CENPF: variants seen among roughly 807,000 people sequenced by gnomAD.
CENPF encodes AH antigen.
Under a neutral mutation model 307.3 loss-of-function variants are expected in CENPF, and 214 were observed. That is an observed-to-expected ratio of 0.70 (90% confidence interval 0.62 to 0.78). The LOEUF (loss-of-function observed/expected upper bound fraction) is 0.78. Ranked by LOEUF, CENPF falls within the 30% of genes least tolerant of loss-of-function variation. The pLI is 0.00. For synonymous variants in CENPF, 1,259 were observed against 1,270.6 expected, an observed-to-expected ratio of 0.99 and a Z score of 0.19; for missense variants, 3,401 against 3,483.9, an observed-to-expected ratio of 0.98 and a Z score of 0.60.
At chr1:214,622,551 A>G (rs1657536510) in intron 7 of CENPF, among the ~76,000 whole-genome samples, 1 of 152,206 alleles carries the variant, frequency 6.6e-6, no homozygotes, top group South Asian at 2.1e-4. Context: ...AAGAAAATGT[A>G]TATATAGCAT....
chr1:214,641,193 G>A lies in CENPF; in HGVS notation c.2855G>A (p.Ser952Asn). The A allele has an allele frequency of 1.2e-6, 2 of 1,608,046 alleles. No homozygotes were observed. Among genetic ancestry groups the A allele is most frequent in the Non-Finnish European group, 1.7e-6 (2 of 1,178,474 alleles). Residue 952 changes from serine (S) to asparagine (N), a missense_variant, in exon 12 of 20, where the codon AGC becomes AAC. Physicochemically the swap from Ser to Asn is conservative, Grantham distance 46. Coordinates refer to ENST00000366955, the MANE Select transcript of CENPF (RefSeq NM_016343.4). ...CTACAACTTTTATCCGAAACCCTAA[G>A]CTTGGAGAAGAAAGAAATGAGTTCC... ...KELQLLSETL[S>N]LEKKEMSSII...
In CENPF at chr1:214,658,865, C is replaced by G; in HGVS notation, c.8978C>G (p.Pro2993Arg). Residue 2993 changes from proline to arginine, a missense_variant, in exon 19 of 20, where the codon CCG (proline) becomes CGG (arginine). Physicochemically the swap from Pro to Arg is moderately radical, Grantham distance 103 (BLOSUM62 -2). Coordinates refer to ENST00000366955, the MANE Select transcript of CENPF (RefSeq NM_016343.4). ...TTGCCCTTAGGGTTTGCTGACATCC[C>G]GACAGGAAAGACTAGCCCATATATC... The part of the protein sequence containing the change: ...EVVKKGFADI[P>R]TGKTSPYILR... The G allele has an allele frequency of 6.2e-7, 1 of 1,613,928 alleles. No homozygotes were observed. The highest frequency in any genetic ancestry group is 8.5e-7 in the Non-Finnish European group (1 of 1,179,950).
In CENPF at chr1:214,648,806, G is replaced by A; in HGVS notation, c.7962G>A (p.Leu2654=). The A allele has an allele frequency of 6.2e-7, 1 of 1,613,574 alleles. No individual in the cohort carries two copies. Among genetic ancestry groups the A allele is most frequent in the Non-Finnish European group, 8.5e-7 (1 of 1,179,788 alleles). ...NRLAGELQLL[L]EEIKSSKDQL... The stretch of plus-strand genomic sequence containing the variant: ...TAGCTGGAGAGTTGCAGTTACTGTT[G>A]GAAGAAATAAAGAGCAGCAAAGTAA... The change falls in exon 14 of 20, where the codon TTG becomes TTA. Residue 2654 remains leucine (L), a synonymous_variant. Transcript: ENST00000366955.
Position 214,655,299 on chromosome 1 carries a change from A to G in CENPF, c.8381A>G (p.Lys2794Arg). Residue 2794 changes from lysine (K) to arginine (R), a missense_variant, in exon 17 of 20, where the codon AAA becomes AGA. Coordinates refer to ENST00000366955, the MANE Select transcript of CENPF (RefSeq NM_016343.4). ...AAGGAAAATGAACGTGCCCAGGGGA[A>G]AATGAAGTTGTTGATCAAATCCTGT... ...LKKENERAQG[K>R]MKLLIKSCKQ... 1 of 1,610,426 alleles carries G rather than the reference A, an allele frequency of 6.2e-7. No individual in the cohort carries two copies. The highest frequency in any genetic ancestry group is 8.5e-7 in the Non-Finnish European group (1 of 1,178,148).
chr1:214,643,052 A>G lies in CENPF; in HGVS notation c.4714A>G (p.Ser1572Gly). 1 of 1,610,498 alleles carries G rather than the reference A, an allele frequency of 6.2e-7. No individual in the cohort carries two copies. The highest frequency in any genetic ancestry group is 8.5e-7 in the Non-Finnish European group (1 of 1,179,132). ...CGAGAAGCTAGAAGAGAAAATGGAA[A>G]GTCAAGGGATTATGAAAAATAAGGA... ...SLEKLEEKME[S>G]QGIMKNKEIQ... The change falls in exon 12 of 20, where the codon AGT becomes GGT. Residue 1572 changes from serine (S) to glycine (G), a missense_variant. Physicochemically the swap from Ser to Gly is moderately conservative, Grantham distance 56. Coordinates refer to ENST00000366955, the MANE Select transcript of CENPF (RefSeq NM_016343.4).
At chr1:214,608,649 C>T in intron 1 of CENPF, 1 of 1,602,396 alleles carries the variant, frequency 6.2e-7, no homozygotes, top group African/African-American at 1.3e-5. Context: ...GCTTCCAGCG[C>T]CCGGGTGCGC....
intron 10 of CENPF, among the ~76,000 whole-genome samples, chr1:214,635,589 A>G (rs1657940756): frequency 6.6e-6 from 1 of 152,182 alleles, no homozygotes; most frequent in African/African-American, 2.4e-5. Context: ...TTGCTGATGG[A>G]TGGCAGCTTG....
intron 9 of CENPF, 86 bp downstream of exon 9, chr1:214,630,748 T>A: frequency 6.6e-7 from 1 of 1,508,000 alleles, no homozygotes; most frequent in Non-Finnish European, 8.9e-7. Context: ...TGACATATGA[T>A]ACTTTCAAAG....
At chr1:214,648,374 T>C in intron 13 of CENPF, 1 of 493,160 alleles carries the variant, frequency 2.0e-6, no homozygotes, top group Non-Finnish European at 3.8e-6. Flanking sequence ...ATCTTTGATG[T>C]TTAAGTTTAA....
rs957721055 is a variant in CENPF, at chr1:214,613,703, ATTC to A, written c.-41-8_-41-6del. The A allele has an allele frequency of 6.6e-6, 10 of 1,518,064 alleles. No homozygotes were observed. In the Admixed American group the frequency reaches 1.9e-4, roughly 29 times the overall value. The allele number at this position is 1,518,064 out of a possible 1,614,324, so 94.0% of individuals were successfully genotyped here. A position where few individuals can be genotyped will look rare whatever the true frequency, so the allele number is the denominator to read the frequency against. ...CTGTGGTAAGACCAACAGTCTGGTT[ATTC>A]TTTTCAGTTTATTTACAAATGTTGG... On this transcript the variant is annotated splice_polypyrimidine_tract_variant and splice_region_variant and intron_variant, in intron 1 of 19. Transcript: ENST00000366955.
chr1:214,657,024 A>C lies in CENPF; in HGVS notation c.8577A>C (p.Glu2859Asp), dbSNP rs1167727440. 7.4e-6 allele frequency: 12 copies of C among 1,613,916 alleles called. No homozygotes were observed. The highest frequency in any genetic ancestry group is 1.0e-5 in the Non-Finnish European group (12 of 1,179,952). Reference sequence around the variant, plus strand: ...AAGAAAAAACCAAGGAGGCAGATGAATACTTGGATAAGTACTGTTCCTTGC... The same window carrying C: ...AAGAAAAAACCAAGGAGGCAGATGACTACTTGGATAAGTACTGTTCCTTGC... Reference protein sequence around the residue: ...TLEEKTKEADEYLDKYCSLLI... With the variant: ...TLEEKTKEADDYLDKYCSLLI... Residue 2859 changes from glutamate (E) to aspartate (D), a missense_variant, in exon 18 of 20, where the codon GAA (glutamate) becomes GAC (aspartate). Physicochemically the swap from Glu to Asp is conservative, Grantham distance 45 (BLOSUM62 2). Transcript: ENST00000366955.
intron 1 of CENPF, chr1:214,605,820 C>T (rs1657010788): frequency 1.3e-6 from 2 of 1,593,106 alleles, no homozygotes; most frequent in Admixed American, 1.7e-5. Context: ...AGCGCCAGCC[C>T]GTGCGAGAAG....
intron 8 of CENPF, among the ~76,000 whole-genome samples, chr1:214,629,677 G>A (rs977412431): frequency 3.9e-5 from 6 of 152,030 alleles, no homozygotes; most frequent in Admixed American, 6.5e-5. Flanking sequence ...TCAGCCTCCC[G>A]AGGAGCTGGG....
At chr1:214,630,082 T>G (rs1236331367) in intron 8 of CENPF, among the ~76,000 whole-genome samples, 2 of 152,218 alleles carry the variant, frequency 1.3e-5, no homozygotes, top group African/African-American at 4.8e-5. Flanking sequence ...CTGTGGTTAT[T>G]AAAGTTAATG....
chr1:214,618,514 G>T, intron 3 of CENPF, 59 bp from the exon 4 acceptor site: 2 of 1,578,308 alleles, frequency 1.3e-6, no homozygotes, highest in South Asian at 2.3e-5. Flanking sequence ...GTAAGGCATT[G>T]ATATTCTGTA....
chr1:214,641,782 C>T lies in CENPF; in HGVS notation c.3444C>T (p.Asp1148=). 4 of 1,594,636 alleles carry T rather than the reference C, an allele frequency of 2.5e-6. No individual in the cohort carries two copies. The highest frequency in any genetic ancestry group is 3.4e-6 in the Non-Finnish European group (4 of 1,174,866). The change falls in exon 12 of 20, where the codon GAC becomes GAT. Residue 1148 remains aspartate (D), a synonymous_variant. Transcript: ENST00000366955. Reference sequence around the variant, plus strand: ...ACAAAATGCAAAAGGAAGTTAATGACTTATTACAAGAGAATGAACAGCTGA... The same window carrying T: ...ACAAAATGCAAAAGGAAGTTAATGATTTATTACAAGAGAATGAACAGCTGA... The part of the protein sequence containing the change: ...EQNKMQKEVN[D]LLQENEQLMK...
chr1:214,640,696 T>G lies in CENPF; in HGVS notation c.2358T>G (p.Ala786=). The part of the protein sequence containing the change: ...TNEDHQRSLL[A]FDQQPAMHHS... ...AAGATCATCAGAGAAGTCTTTTGGC[T>G]TTTGATCAGCAGCCTGCCATGCATC... The change falls in exon 12 of 20, where the codon GCT becomes GCG. Residue 786 remains alanine, a synonymous_variant. Coordinates refer to ENST00000366955, the MANE Select transcript of CENPF (RefSeq NM_016343.4). The G allele has an allele frequency of 6.2e-7, 1 of 1,614,078 alleles. No individual in the cohort carries two copies. The highest frequency in any genetic ancestry group is 8.5e-7 in the Non-Finnish European group (1 of 1,179,994).
At chr1:214,614,061 T>A in intron 2 of CENPF, 145 bp downstream of exon 2, 1 of 718,984 alleles carries the variant, frequency 1.4e-6, no homozygotes, top group Non-Finnish European at 2.0e-6. Flanking sequence ...CTTCAGGTGG[T>A]AATTCCTCTC....
intron 10 of CENPF, among the ~76,000 whole-genome samples, chr1:214,635,553 G>A (rs935733848): frequency 6.6e-6 from 1 of 152,196 alleles, no homozygotes; most frequent in Non-Finnish European, 1.5e-5. Flanking sequence ...CAAGTCTTAA[G>A]TGGCTGTAGC....
Sources: gnomAD v4.1 joint callset for allele counts (sites outside exome capture counted in the v4.1 genomes callset) on GRCh38, gnomAD v4.1.1 for gene constraint, MANE v1.5 for transcripts, NCBI Gene and HGNC (gene_info 2026-07-23, HGNC 2026-07-21) for gene names.